MAP2K5: variants seen among roughly 807,000 people sequenced by gnomAD.
MAP2K5 encodes mitogen-activated protein kinase kinase 5.
A neutral mutation model predicts 83.1 loss-of-function variants in MAP2K5; 49 were observed. The ratio of observed to expected loss-of-function variants is 0.59; its 90% CI spans 0.47 to 0.75. The LOEUF (loss-of-function observed/expected upper bound fraction) is 0.75. MAP2K5 is among the 30% of genes least tolerant of loss of function. The pLI is 0.00. For missense variants in MAP2K5, 457 were observed against 557.5 expected (o/e 0.82, Z 1.82); for synonymous variants, 202 against 191.8 (o/e 1.05, Z -0.44).
At chr15:67,664,786 G>C (rs1295948368) in intron 13 of MAP2K5, 141 bp downstream of exon 13, 4 of 496,502 alleles carry the variant, frequency 8.1e-6, no homozygotes, top group Non-Finnish European at 1.4e-5. Flanking sequence ...CTCTATAAAT[G>C]TTATTTTTCT....
intron 16 of MAP2K5, among the ~76,000 whole-genome samples, chr15:67,723,627 A>G (rs1045263617): frequency 2.6e-5 from 4 of 152,172 alleles, no homozygotes; most frequent in Admixed American, 1.3e-4. Flanking sequence ...CCTGGCCCCA[A>G]ATAAATAAAG....
chr15:67,658,682 T>A (rs2087152699), intron 12 of MAP2K5, 68 bp downstream of exon 12: 12 of 1,299,160 alleles, frequency 9.2e-6, no homozygotes, highest in African/African-American at 2.9e-5. Flanking sequence ...TCATTCTTCT[T>A]ATATTCTCAA....
At chr15:67,556,753 A>G (rs144131275) in intron 2 of MAP2K5, among the ~76,000 whole-genome samples, 1,946 of 152,082 alleles carry the variant, frequency 0.013, 59 homozygotes, top group Admixed American at 0.063. Flanking sequence ...GGGTTTCACC[A>G]TGTTGGTCAG....
At chr15:67,730,686 A>G (rs2089199988) in intron 17 of MAP2K5, among the ~76,000 whole-genome samples, 2 of 152,242 alleles carry the variant, frequency 1.3e-5, no homozygotes, top group African/African-American at 4.8e-5. Context: ...AGAGCCTTTC[A>G]TATATCCTTA....
At position 67,552,502 on chromosome 15, in the gene MAP2K5, A is replaced by G. The variant is rs1567267861; in HGVS notation, c.184+2420A>G. On this transcript the variant is annotated intron_variant, in intron 2 of 21. Transcript: ENST00000178640. This position sits in a 1 kb window ranked among gnomAD's most constrained non-coding sequence, Gnocchi z 4.2. Reference sequence around the variant, plus strand: ...CAGGCTGGAGTGCAGTGACATGATGATAGCTCACTGCAGCCTTAAACTCCT... The same window carrying G: ...CAGGCTGGAGTGCAGTGACATGATGGTAGCTCACTGCAGCCTTAAACTCCT... Among the ~76,000 whole-genome samples, 1 of 152,084 alleles carries G rather than the reference A, an allele frequency of 6.6e-6. No homozygotes were observed. The highest frequency in any genetic ancestry group is 1.5e-5 in the Non-Finnish European group (1 of 68,024).
intron 11 of MAP2K5, among the ~76,000 whole-genome samples, chr15:67,657,683 C>CT (rs2141139482): frequency 6.6e-6 from 1 of 151,588 alleles, no homozygotes; most frequent in East Asian, 1.9e-4. Context: ...TCATTTTTCT[C>CT]TATCTGCTTT....
rs140146968 is a variant in MAP2K5 at position 67,684,382 on chromosome 15, G to A, written c.848-8097G>A. 2.0e-3 allele frequency among the ~76,000 whole-genome samples: 308 copies of A among 152,348 alleles called. 1 individual carries two copies. Among genetic ancestry groups the A allele is most frequent in the Non-Finnish European group, 3.0e-3 (202 of 68,036 alleles). ...GTGGGGCTAAACTAGCCCTGTAGTA[G>A]TGGTTACTCTCAACTCTCCTAAAAT... On this transcript the variant is annotated intron_variant, in intron 13 of 21. Coordinates refer to ENST00000178640, the MANE Select transcript of MAP2K5 (RefSeq NM_145160.3).
rs2090407868 is a variant in MAP2K5 at position 67,785,916 on chromosome 15, G to T, written c.1242+13164G>T. On this transcript the variant is annotated intron_variant, in intron 21 of 21. Coordinates refer to ENST00000178640, the MANE Select transcript of MAP2K5 (RefSeq NM_145160.3). This position sits in a 1 kb window ranked among gnomAD's most constrained non-coding sequence, Gnocchi z 4.4. Reference sequence around the variant, plus strand: ...ACAGGCACTACCTCTAGGAAACTGGGCAGGCAACAGCTGTTTACTTAGCCC... The same window carrying T: ...ACAGGCACTACCTCTAGGAAACTGGTCAGGCAACAGCTGTTTACTTAGCCC... Among the ~76,000 whole-genome samples the T allele has an allele frequency of 6.6e-6, 1 of 152,172 alleles. No homozygotes were observed. Among genetic ancestry groups the T allele is most frequent in the Non-Finnish European group, 1.5e-5 (1 of 68,036 alleles).
chr15:67,804,138 A>G (rs1425745414), intron 21 of MAP2K5, among the ~76,000 whole-genome samples: 1 of 152,134 alleles, frequency 6.6e-6, no homozygotes, highest in Non-Finnish European at 1.5e-5. Context: ...CAGTGCCGTC[A>G]CGACCCCCCG....
chr15:67,648,577 CTTT>C (rs56211889), intron 11 of MAP2K5, among the ~76,000 whole-genome samples: 6 of 141,326 alleles, frequency 4.2e-5, no homozygotes, highest in African/African-American at 5.2e-5. Flanking sequence ...GTTTTCAGTT[CTTT>C]TTTTTTTTTT....
intron 17 of MAP2K5, among the ~76,000 whole-genome samples, chr15:67,730,135 T>C (rs1197911325): frequency 4.6e-5 from 7 of 152,218 alleles, no homozygotes. Context: ...TAATGACTTT[T>C]GGTGGAGTTG....
Position 67,783,216 on chromosome 15 carries a change from C to G in MAP2K5, c.1242+10464C>G, listed in dbSNP as rs967732713. On this transcript the variant is annotated intron_variant, in intron 21 of 21. Transcript: ENST00000178640. This position sits in a 1 kb window ranked among gnomAD's most constrained non-coding sequence, Gnocchi z 5.1. ...ATGTCAGCCCCAAGTCCTGACCCCCCAGCCAGCTCACAGTCCAGTGAGGAA... is the reference window on the plus strand; with the variant it reads ...ATGTCAGCCCCAAGTCCTGACCCCCGAGCCAGCTCACAGTCCAGTGAGGAA... Among the ~76,000 whole-genome samples the G allele has an allele frequency of 1.2e-4, 18 of 152,212 alleles. 1 individual carries two copies. Among genetic ancestry groups the G allele is most frequent in the Admixed American group, 1.1e-3 (17 of 15,286 alleles).
At position 67,785,831 on chromosome 15, in the gene MAP2K5, G is replaced by A. The variant is rs879866072; in HGVS notation, c.1242+13079G>A. On this transcript the variant is annotated intron_variant, in intron 21 of 21. Transcript: ENST00000178640. This position sits in a 1 kb window ranked among gnomAD's most constrained non-coding sequence, Gnocchi z 4.4. ...AGTCTATCGTGTGAATGTGAGCCAAGAAGCAACCTGGGAAACTGGAAAGAG... is the reference window on the plus strand; with the variant it reads ...AGTCTATCGTGTGAATGTGAGCCAAAAAGCAACCTGGGAAACTGGAAAGAG... 7.4e-6 allele frequency among the ~76,000 whole-genome samples: 1 copy of A among 135,000 alleles called. No individual in the cohort carries two copies. Among genetic ancestry groups the A allele is most frequent in the Non-Finnish European group, 1.6e-5 (1 of 64,510 alleles). 88.6% of individuals were successfully genotyped at this position (135,000 alleles called of 152,430 possible).
At chr15:67,582,338 G>T (rs546442825) in intron 4 of MAP2K5, among the ~76,000 whole-genome samples, 2 of 152,250 alleles carry the variant, frequency 1.3e-5, no homozygotes, top group African/African-American at 4.8e-5. Flanking sequence ...GGGATTACAG[G>T]CGTGAGCCAC....
At chr15:67,641,553 GC>G in intron 9 of MAP2K5, 1 of 997,158 alleles carries the variant, frequency 1.0e-6, no homozygotes, top group South Asian at 4.7e-5. Flanking sequence ...TTTAAATTGA[GC>G]ACAGAGTAAA....
chr15:67,769,868 C>CATA lies in MAP2K5; in HGVS notation c.1196+206_1196+207insTAA. 2.1e-6 allele frequency: 1 copy of CATA among 476,496 alleles called. No individual in the cohort carries two copies. Among genetic ancestry groups the CATA allele is most frequent in the African/African-American group, 2.0e-5 (1 of 50,688 alleles). 29.5% of individuals were successfully genotyped at this position (476,496 alleles called of 1,614,324 possible). On this transcript the variant is annotated intron_variant, in intron 20 of 21. Coordinates refer to ENST00000178640, the MANE Select transcript of MAP2K5 (RefSeq NM_145160.3). The surrounding 1 kb of genome is among the most constrained non-coding windows in gnomAD (Gnocchi z 5.2). ...TACACAAAGGGTCATAAGCATACTT[C>CATA]AGAGCCTTTTTCCTGATTTAATAAA...
chr15:67,629,283 C>G, intron 8 of MAP2K5: 1 of 569,710 alleles, frequency 1.8e-6, no homozygotes, highest in Non-Finnish European at 3.3e-6. Flanking sequence ...GACAAATACT[C>G]ATGTGAATGG....
Position 67,747,804 on chromosome 15 carries a change from A to G in MAP2K5, c.1075-427A>G, listed in dbSNP as rs1462656079. 1.3e-5 allele frequency among the ~76,000 whole-genome samples: 2 copies of G among 152,228 alleles called. No homozygotes were observed. The highest frequency in any genetic ancestry group is 4.8e-5 in the African/African-American group (2 of 41,464). ...GTGAGCAGACACTGGCAGGAATCCA[A>G]AATTCTAATTTCTGACTATGATTTA... On this transcript the variant is annotated intron_variant, in intron 17 of 21. Transcript: ENST00000178640. This position sits in a 1 kb window ranked among gnomAD's most constrained non-coding sequence, Gnocchi z 4.1.
At chr15:67,754,274 A>C (rs1006213583) in intron 19 of MAP2K5, among the ~76,000 whole-genome samples, 3 of 152,242 alleles carry the variant, frequency 2.0e-5, no homozygotes, top group African/African-American at 4.8e-5. Context: ...TTTAAATGTC[A>C]AAGAGAAAAA....
Sources: gnomAD v4.1 joint callset for allele counts (sites outside exome capture counted in the v4.1 genomes callset) on GRCh38, gnomAD v4.1.1 for gene constraint, Gnocchi (gnomAD v3.1) non-coding constraint, MANE v1.5 for transcripts, NCBI Gene and HGNC (gene_info 2026-07-23, HGNC 2026-07-21) for gene names.